KCTD20: variants seen among roughly 807,000 people sequenced by gnomAD.
The protein encoded by KCTD20 is BTB/POZ domain-containing protein KCTD20.
KCTD20 carries 30 observed loss-of-function variants against 39.6 expected under a neutral mutation model. The observed-to-expected ratio is 0.76, with a 90% CI of 0.57 to 1.03. The LOEUF is 1.03. Among genes scored for constraint, KCTD20 ranks in the 50% least tolerant of loss-of-function variants. The pLI is 0.00. For missense variants in KCTD20, 422 were observed against 522.0 expected (o/e 0.81, Z 1.87); for synonymous variants, 162 against 180.6 (o/e 0.90, Z 0.83).
At chr6:36,453,513 T>C (rs974320075) in intron 1 of KCTD20, among the ~76,000 whole-genome samples, 1 of 151,000 alleles carries the variant, frequency 6.6e-6, no homozygotes, top group Non-Finnish European at 1.5e-5. Flanking sequence ...ATGTTTTGTT[T>C]TTTGTTTTTT....
At chr6:36,482,877 C>T (rs1018601311) in intron 6 of KCTD20, among the ~76,000 whole-genome samples, 5 of 146,142 alleles carry the variant, frequency 3.4e-5, no homozygotes, top group African/African-American at 5.1e-5. Flanking sequence ...ACCCAGGAGG[C>T]GGAGGTTGCA....
chr6:36,476,796 AAGT>A (rs1189228452), intron 3 of KCTD20, among the ~76,000 whole-genome samples: 1 of 152,172 alleles, frequency 6.6e-6, no homozygotes, highest in Non-Finnish European at 1.5e-5. Flanking sequence ...ATTAAGATAA[AAGT>A]AGAACATTAA....
At position 36,469,419 on chromosome 6, in the gene KCTD20, A is replaced by G. The variant is rs750820199; in HGVS notation, c.-46-633A>G. ...TGTGTGTTGTTCATGGGGACTCTGCACTGCTTTCGAGAGAGATGAATGACA... is the reference window on the plus strand; with the variant it reads ...TGTGTGTTGTTCATGGGGACTCTGCGCTGCTTTCGAGAGAGATGAATGACA... On this transcript the variant is annotated intron_variant, in intron 1 of 7. Coordinates refer to ENST00000373731, the MANE Select transcript of KCTD20 (RefSeq NM_173562.5). The surrounding 1 kb of genome is among the most constrained non-coding windows in gnomAD (Gnocchi z 4.6). Among the ~76,000 whole-genome samples the G allele has an allele frequency of 5.9e-5, 9 of 152,184 alleles. No homozygotes were observed. The highest frequency in any genetic ancestry group is 1.3e-4 in the Admixed American group (2 of 15,270).
chr6:36,488,604 C>A lies in KCTD20; in HGVS notation c.*1429C>A, dbSNP rs541994194. ...TTTTTTCAGATTTTGGAATACTTAA[C>A]AGTTGAGCACCCCAAATCTGAAAGG... On this transcript the variant is annotated 3_prime_UTR_variant, in exon 8 of 8. Coordinates refer to ENST00000373731, the MANE Select transcript of KCTD20 (RefSeq NM_173562.5). 6.6e-6 allele frequency: 1 copy of A among 152,164 alleles called. No individual in the cohort carries two copies. Among genetic ancestry groups the A allele is most frequent in the African/African-American group, 2.4e-5 (1 of 41,438 alleles). The allele number at this position is 152,164 out of a possible 1,614,324, so 9.4% of individuals were successfully genotyped here. A position where few individuals can be genotyped will look rare whatever the true frequency, so the allele number is the denominator to read the frequency against.
chr6:36,464,551 A>G (rs1775687244), intron 1 of KCTD20, among the ~76,000 whole-genome samples: 1 of 152,180 alleles, frequency 6.6e-6, no homozygotes. Context: ...TGAGTTCATA[A>G]TAGTCCTAGA....
chr6:36,487,209 A>C lies in KCTD20; in HGVS notation c.*34A>C. On this transcript the variant is annotated 3_prime_UTR_variant, in exon 8 of 8. Transcript: ENST00000373731. ...GTGGGTCTACTCCTTGTTGGAGCCC[A>C]TCTCACCTGGGATGCCTGCAGCCAG... The C allele has an allele frequency of 6.3e-7, 1 of 1,584,820 alleles. No individual in the cohort carries two copies. The highest frequency in any genetic ancestry group is 1.3e-5 in the African/African-American group (1 of 74,480).
intron 7 of KCTD20, among the ~76,000 whole-genome samples, chr6:36,485,450 G>T (rs1005677889): frequency 6.6e-6 from 1 of 150,846 alleles, no homozygotes; most frequent in Admixed American, 6.6e-5. Flanking sequence ...TTCCTGGAGA[G>T]TGCTAAAGTC....
At position 36,479,578 on chromosome 6, in the gene KCTD20, A is replaced by C. The variant is rs771097002; in HGVS notation, c.538-13A>C. The C allele has an allele frequency of 6.9e-6, 11 of 1,596,800 alleles. No individual in the cohort carries two copies. Among genetic ancestry groups the C allele is most frequent in the African/African-American group, 2.7e-5 (2 of 74,284 alleles). On this transcript the variant is annotated splice_polypyrimidine_tract_variant and intron_variant, in intron 4 of 7. Transcript: ENST00000373731. Reference sequence around the variant, plus strand: ...TTCTCTGCCTACATTTTTTCTTCCTAATCTATTTACAGGATTATTACAAAA... The same window carrying C: ...TTCTCTGCCTACATTTTTTCTTCCTCATCTATTTACAGGATTATTACAAAA...
At chr6:36,457,015 C>G (rs1184039303) in intron 1 of KCTD20, among the ~76,000 whole-genome samples, 2 of 152,146 alleles carry the variant, frequency 1.3e-5, no homozygotes, top group African/African-American at 4.8e-5. Flanking sequence ...GTGGCCCAGC[C>G]TGGTACTCCT....
intron 1 of KCTD20, among the ~76,000 whole-genome samples, chr6:36,457,375 C>T (rs909335002): frequency 1.3e-5 from 2 of 152,174 alleles, no homozygotes; most frequent in African/African-American, 4.8e-5. Context: ...CAATACTGAG[C>T]ATTAAAGAAG....
intron 1 of KCTD20, among the ~76,000 whole-genome samples, chr6:36,448,015 G>GTGTATGTATATATATATATATA (rs559687288): frequency 6.1e-4 from 79 of 128,930 alleles, no homozygotes; most frequent in African/African-American, 2.5e-3. Context: ...ATGTGTGTGT[G>GTGTATGTATATATATATATATA]TATATATATA....
At position 36,462,312 on chromosome 6, in the gene KCTD20, G is replaced by A. The variant is rs140201082; in HGVS notation, c.-46-7740G>A. On this transcript the variant is annotated intron_variant, in intron 1 of 7. Transcript: ENST00000373731. ...TGGTCAGATTTGTCTTTCTCATTTC[G>A]CTTTTGGGTTTTGGGTCTTGATTAA... Among the ~76,000 whole-genome samples, 883 of 151,978 alleles carry A rather than the reference G, an allele frequency of 5.8e-3. 8 individuals are homozygous for A. The highest frequency in any genetic ancestry group is 0.02 in the African/African-American group (835 of 41,480).
At chr6:36,455,141 C>T (rs896943132) in intron 1 of KCTD20, among the ~76,000 whole-genome samples, 2 of 152,004 alleles carry the variant, frequency 1.3e-5, no homozygotes, top group Non-Finnish European at 2.9e-5. Context: ...GGCACAGTGG[C>T]TTACGCCTGT....
Position 36,481,639 on chromosome 6 carries a change from A to T in KCTD20, c.736A>T (p.Ile246Phe). Reference protein sequence around the residue: ...DHYLEELILPIMVGCAKKGER... With the variant: ...DHYLEELILPFMVGCAKKGER... ...CTACCTCGAAGAGCTCATCTTGCCC[A>T]TCATGGTGGGCTGTGCCAAGAAAGG... The change falls in exon 6 of 8, where the codon ATC becomes TTC. Residue 246 changes from isoleucine (I) to phenylalanine (F), a missense_variant. By Grantham distance (21) the Ile-to-Phe change is conservative. Coordinates refer to ENST00000373731, the MANE Select transcript of KCTD20 (RefSeq NM_173562.5). 1 of 1,614,194 alleles carries T rather than the reference A, an allele frequency of 6.2e-7. No homozygotes were observed. Among genetic ancestry groups the T allele is most frequent in the Non-Finnish European group, 8.5e-7 (1 of 1,180,030 alleles).
intron 4 of KCTD20, 138 bp downstream of exon 4, chr6:36,479,361 TC>T (rs1369250680): frequency 6.9e-6 from 5 of 722,594 alleles, no homozygotes; most frequent in African/African-American, 1.8e-5. Flanking sequence ...TGTTTTCTAT[TC>T]CTGTAACTTT....
At chr6:36,454,340 T>C (rs1775359915) in intron 1 of KCTD20, among the ~76,000 whole-genome samples, 2 of 134,244 alleles carry the variant, frequency 1.5e-5, no homozygotes, top group Admixed American at 7.9e-5. Context: ...ATATTTACTT[T>C]ATGGCTCTTT....
intron 1 of KCTD20, among the ~76,000 whole-genome samples, chr6:36,454,775 C>G (rs1775380379): frequency 6.6e-6 from 1 of 151,998 alleles, no homozygotes; most frequent in Non-Finnish European, 1.5e-5. Flanking sequence ...GTACCTGGGA[C>G]TACAGGCACC....
chr6:36,478,966 G>A (rs941259488), intron 3 of KCTD20, among the ~76,000 whole-genome samples, 155 bp from the exon 4 acceptor site: 4 of 152,134 alleles, frequency 2.6e-5, no homozygotes, highest in African/African-American at 7.2e-5. Flanking sequence ...TAAGACTTGA[G>A]GTGTCTTGTA....
chr6:36,445,261 C>CAA (rs34039126), intron 1 of KCTD20, among the ~76,000 whole-genome samples: 1,411 of 79,536 alleles, frequency 0.018, 38 homozygotes, highest in African/African-American at 0.035. Context: ...GACTCCGTCT[C>CAA]AAAAAAAAAA....
Sources: gnomAD v4.1 joint callset for allele counts (sites outside exome capture counted in the v4.1 genomes callset) on GRCh38, gnomAD v4.1.1 for gene constraint, Gnocchi (gnomAD v3.1) non-coding constraint, MANE v1.5 for transcripts, NCBI Gene and HGNC (gene_info 2026-07-23, HGNC 2026-07-21) for gene names.